Variants in SAMD12 observed in about 807,000 individuals in gnomAD.
SAMD12 encodes sterile alpha motif domain containing 12.
A neutral mutation model predicts 15.0 loss-of-function variants in SAMD12; 9 were observed. The ratio of observed to expected loss-of-function variants is 0.60; its 90% CI spans 0.36 to 1.05. SAMD12 has a LOEUF of 1.05. Ranked by LOEUF, SAMD12 falls within the 50% of genes least tolerant of loss-of-function variation. The pLI is 0.01. For missense variants in SAMD12, 230 were observed against 234.2 expected (o/e 0.98, Z 0.12); for synonymous variants, 86 against 90.1 (o/e 0.96, Z 0.25).
intron 2 of SAMD12, among the ~76,000 whole-genome samples, chr8:118,567,197 A>C (rs1356685930): frequency 6.6e-6 from 1 of 152,172 alleles, no homozygotes; most frequent in Non-Finnish European, 1.5e-5. Context: ...CAGAGAGAGT[A>C]AGAAATTGGT....
At chr8:118,518,491 A>G (rs1407640119) in intron 2 of SAMD12, among the ~76,000 whole-genome samples, 2 of 152,230 alleles carry the variant, frequency 1.3e-5, no homozygotes, top group Non-Finnish European at 2.9e-5. Flanking sequence ...CCTGTACCCC[A>G]ATGCCAAAAA....
chr8:118,565,253 T>C (rs1017145541), intron 2 of SAMD12, among the ~76,000 whole-genome samples: 3 of 152,154 alleles, frequency 2.0e-5, no homozygotes, highest in Non-Finnish European at 4.4e-5. Context: ...TTTTACTAGA[T>C]GTATAAAACA....
intron 1 of SAMD12, among the ~76,000 whole-genome samples, chr8:118,583,441 G>T (rs1245945867): frequency 2.6e-5 from 4 of 152,040 alleles, no homozygotes; most frequent in Admixed American, 6.6e-5. Flanking sequence ...GCATGGGATG[G>T]ATTCAGACAT....
chr8:118,407,730 C>T (rs896084495), intron 3 of SAMD12, among the ~76,000 whole-genome samples: 1 of 152,130 alleles, frequency 6.6e-6, no homozygotes, highest in African/African-American at 2.4e-5. Flanking sequence ...TTATTATCAA[C>T]CCATTATCAT....
At chr8:118,193,767 G>GA (rs112219790) in exon 5 of SAMD12, 3 of 151,984 alleles carry the variant, frequency 2.0e-5, no homozygotes, top group Admixed American at 6.6e-5. Context: ...AGAGATGAAA[G>GA]AAAAAAATCC....
At chr8:118,271,188 C>T (rs1015371374) in intron 4 of SAMD12, among the ~76,000 whole-genome samples, 1 of 152,106 alleles carries the variant, frequency 6.6e-6, no homozygotes. Flanking sequence ...GCTGAGAGGC[C>T]TCAGGAAACT....
At chr8:118,578,792 G>A (rs1827215111) in intron 2 of SAMD12, among the ~76,000 whole-genome samples, 1 of 152,126 alleles carries the variant, frequency 6.6e-6, no homozygotes, top group Non-Finnish European at 1.5e-5. Context: ...CTTTGTCTAA[G>A]CTTTCTTTAC....
Position 118,545,463 on chromosome 8 carries a change from A to C in SAMD12, c.192+35252T>G, listed in dbSNP as rs554527896. Among the ~76,000 whole-genome samples the C allele has an allele frequency of 2.0e-5, 3 of 152,264 alleles. No individual in the cohort carries two copies. In the East Asian group the frequency reaches 5.8e-4, roughly 29 times the overall value. On this transcript the variant is annotated intron_variant, in intron 2 of 3. Coordinates refer to ENST00000314727, the MANE Select transcript of SAMD12 (RefSeq NM_207506.3). ...GCCTGGGTGACAAGAGTGAGAGTCC[A>C]TCTCAAAAACAAAACAAAACAAAAA...
At chr8:118,213,757 CT>C (rs1274459220) in intron 4 of SAMD12, among the ~76,000 whole-genome samples, 3 of 152,144 alleles carry the variant, frequency 2.0e-5, no homozygotes, top group Non-Finnish European at 4.4e-5. Flanking sequence ...CTGCTGACTC[CT>C]GAACTGAAAC....
intron 3 of SAMD12, among the ~76,000 whole-genome samples, chr8:118,405,722 G>T (rs1418648978): frequency 6.6e-6 from 1 of 152,102 alleles, no homozygotes; most frequent in Non-Finnish European, 1.5e-5. Flanking sequence ...GGAAAAAATG[G>T]AAAGGAAAGA....
intron 2 of SAMD12, among the ~76,000 whole-genome samples, chr8:118,577,706 T>C (rs976903701): frequency 6.6e-6 from 1 of 151,760 alleles, no homozygotes; most frequent in African/African-American, 2.4e-5. Flanking sequence ...CATCCCAGAG[T>C]TCAGGTGAAG....
At chr8:118,175,369 T>C in the SAMD12 span, among the ~76,000 whole-genome samples, 1 of 152,280 alleles carries the variant, frequency 6.6e-6, no homozygotes, top group East Asian at 1.9e-4. Context: ...GAATTAAATG[T>C]AAAACCTAAA....
At chr8:118,479,626 A>G (rs1366963511) in intron 2 of SAMD12, among the ~76,000 whole-genome samples, 1 of 152,202 alleles carries the variant, frequency 6.6e-6, no homozygotes, top group Non-Finnish European at 1.5e-5. Flanking sequence ...GCCAAACCAC[A>G]TCAATCACTT....
At chr8:118,308,323 C>T (rs186066787) in intron 4 of SAMD12, among the ~76,000 whole-genome samples, 4 of 152,128 alleles carry the variant, frequency 2.6e-5, no homozygotes, top group Non-Finnish European at 5.9e-5. Flanking sequence ...GTGATGATGA[C>T]GATGGCAATG....
chr8:118,567,063 C>T (rs1229590805), intron 2 of SAMD12, among the ~76,000 whole-genome samples: 1 of 152,140 alleles, frequency 6.6e-6, no homozygotes, highest in African/African-American at 2.4e-5. Flanking sequence ...CATATAGTGC[C>T]TACTGTATGT....
At chr8:118,593,353 C>T (rs1481492534) in intron 1 of SAMD12, among the ~76,000 whole-genome samples, 1 of 152,052 alleles carries the variant, frequency 6.6e-6, no homozygotes, top group East Asian at 1.9e-4. Flanking sequence ...AAACAAGTTC[C>T]TTTTCAAATA....
intron 4 of SAMD12, among the ~76,000 whole-genome samples, chr8:118,315,703 A>C (rs1418856084): frequency 6.6e-6 from 1 of 152,196 alleles, no homozygotes; most frequent in Middle Eastern, 3.2e-3. Context: ...AACTTCCAGA[A>C]GCCTCCCATT....
chr8:118,442,972 C>T (rs7831314), intron 2 of SAMD12, among the ~76,000 whole-genome samples: 3,650 of 152,224 alleles, frequency 0.024, 128 homozygotes, highest in African/African-American at 0.083. Flanking sequence ...GAGATTTACC[C>T]AAACACACTA....
At chr8:118,494,598 T>C (rs1014124159) in intron 2 of SAMD12, among the ~76,000 whole-genome samples, 1 of 152,222 alleles carries the variant, frequency 6.6e-6, no homozygotes, top group African/African-American at 2.4e-5. Flanking sequence ...TACATAGCGC[T>C]CCCTCAGTCC....
Sources: gnomAD v4.1 joint callset for allele counts (sites outside exome capture counted in the v4.1 genomes callset) on GRCh38, gnomAD v4.1.1 for gene constraint, MANE v1.5 for transcripts, NCBI Gene and HGNC (gene_info 2026-07-23, HGNC 2026-07-21) for gene names.